STK17B: variants seen among roughly 807,000 people sequenced by gnomAD.
STK17B encodes the protein serine/threonine kinase 17b.
In STK17B, 21 loss-of-function variants were observed where a neutral mutation model predicts 42.0. That is an observed-to-expected ratio of 0.50 (90% CI 0.35 to 0.72). The LOEUF (loss-of-function observed/expected upper bound fraction) is 0.72, where lower values mean the gene tolerates loss of function less well. Among genes scored for constraint, STK17B ranks in the 30% least tolerant of loss-of-function variants. The pLI is 0.00. For missense variants in STK17B, 349 were observed against 446.0 expected (o/e 0.78, Z 1.96); for synonymous variants, 143 against 148.4 (o/e 0.96, Z 0.26).
intron 1 of STK17B, among the ~76,000 whole-genome samples, chr2:196,164,773 G>A (rs1390766818): frequency 6.6e-6 from 1 of 152,116 alleles, no homozygotes. Context: ...ACGCGTCACT[G>A]CAGTTCAGCC....
At chr2:196,173,825 C>T (rs754020377), upstream of STK17B, among the ~76,000 whole-genome samples, 17 of 152,088 alleles carry the variant, frequency 1.1e-4, no homozygotes, top group Non-Finnish European at 1.2e-4. Context: ...TGTTCTTTTC[C>T]AGTTCATACG....
rs750704745 is a variant in STK17B, at chr2:196,143,543, T to C, written c.607+17A>G. 8.2e-6 allele frequency: 13 copies of C among 1,584,748 alleles called. No homozygotes were observed. The highest frequency in any genetic ancestry group is 1.9e-5 in the Admixed American group (1 of 52,796). ...ATAAATTTCAAAATGGTATAGAAAA[T>C]AAAAGGAAATTCTTACCTAAATATT... On this transcript the variant is annotated intron_variant, in intron 5 of 7. Coordinates refer to ENST00000263955, the MANE Select transcript of STK17B (RefSeq NM_004226.4).
chr2:196,146,694 T>C (rs1699581867), intron 3 of STK17B, among the ~76,000 whole-genome samples: 2 of 152,126 alleles, frequency 1.3e-5, no homozygotes, highest in Admixed American at 6.6e-5. Flanking sequence ...TATGTATTCA[T>C]ATATATACAT....
At chr2:196,147,356 G>A (rs1699591065) in intron 3 of STK17B, among the ~76,000 whole-genome samples, 1 of 152,124 alleles carries the variant, frequency 6.6e-6, no homozygotes, top group African/African-American at 2.4e-5. Flanking sequence ...ATGAATGAAT[G>A]ATGGAATGGG....
At chr2:196,138,219 C>G (rs955537752) in intron 7 of STK17B, among the ~76,000 whole-genome samples, 2 of 152,172 alleles carry the variant, frequency 1.3e-5, no homozygotes, top group Non-Finnish European at 2.9e-5. Flanking sequence ...TATACATACA[C>G]AAACATATAC....
intron 3 of STK17B, among the ~76,000 whole-genome samples, chr2:196,151,897 TTAAAA>T (rs2105695320): frequency 6.6e-6 from 1 of 152,308 alleles, no homozygotes; most frequent in South Asian, 2.1e-4. Flanking sequence ...GAACTATGTA[TTAAAA>T]TAAGAAGGGA....
In STK17B at chr2:196,141,285, A is replaced by G. The variant is rs1204682887; in HGVS notation, c.620T>C (p.Leu207Pro). The G allele has an allele frequency of 6.2e-7, 1 of 1,606,690 alleles. No homozygotes were observed. ...TGCTGTGGTAATGGGATCATAGTTC[A>G]GGATTTCTGGAGCTGAAAGAAAAGA... ...GTPEYLAPEI[L>P]NYDPITTATD... Residue 207 changes from leucine (L) to proline (P), a missense_variant, in exon 6 of 8, where the codon CTG becomes CCG. Physicochemically the swap from Leu to Pro is moderately conservative, Grantham distance 98. This residue lies in a region of STK17B where 256 missense variants were observed against 347.7 expected (regional missense o/e 0.74). Coordinates refer to ENST00000263955, the MANE Select transcript of STK17B (RefSeq NM_004226.4).
upstream of STK17B, among the ~76,000 whole-genome samples, chr2:196,175,292 C>T (rs185595468): frequency 4.1e-4 from 63 of 152,248 alleles, 1 homozygote; most frequent in East Asian, 9.8e-3. Context: ...TTTACTGTTG[C>T]AAAAAGCAGA....
chr2:196,144,486 CAAAAAAAAAAAAAAAAAAAAAAA>C (rs869118381), intron 4 of STK17B, among the ~76,000 whole-genome samples: 4 of 55,958 alleles, frequency 7.1e-5, no homozygotes, highest in East Asian at 5.6e-4. Flanking sequence ...GACTCTGTCT[CAAAAAAAAAAAAAAAAAAAAAAA>C]AAAAAAAAAA....
At chr2:196,150,409 G>A (rs1269451271) in intron 3 of STK17B, among the ~76,000 whole-genome samples, 5 of 152,114 alleles carry the variant, frequency 3.3e-5, no homozygotes, top group African/African-American at 7.2e-5. Context: ...GTGAGAATAC[G>A]TGATAAGAGT....
At position 196,153,600 on chromosome 2, in the gene STK17B, TAAAA is replaced by T. The variant is rs1191945965; in HGVS notation, c.335+2835_335+2838del. 2.6e-5 allele frequency: 4 copies of T among 152,144 alleles called. No individual in the cohort carries two copies. In the East Asian group the frequency reaches 7.7e-4, roughly 29 times the overall value. The allele number at this position is 152,144 out of a possible 1,614,324, so 9.4% of individuals were successfully genotyped here. A position where few individuals can be genotyped will look rare whatever the true frequency, so the allele number is the denominator to read the frequency against. ...TGGTTTCTAAATGCTATTCCCCACTTAAAAGAACCAGAACTTCTCAGAGAGATGG... is the reference window on the plus strand; with the variant it reads ...TGGTTTCTAAATGCTATTCCCCACTTGAACCAGAACTTCTCAGAGAGATGG... On this transcript the variant is annotated intron_variant, in intron 3 of 7. Transcript: ENST00000263955.
chr2:196,173,839 A>C (rs1001345387), upstream of STK17B, among the ~76,000 whole-genome samples: 2 of 152,144 alleles, frequency 1.3e-5, no homozygotes, highest in South Asian at 4.1e-4. Context: ...TCATACGTTG[A>C]AATTCTAACC....
At chr2:196,174,399 G>C (rs145202245), upstream of STK17B, 1 of 152,356 alleles carries the variant, frequency 6.6e-6, no homozygotes, top group East Asian at 1.9e-4. Context: ...CCGATTCCAT[G>C]TTTACTCCCT....
intron 2 of STK17B, among the ~76,000 whole-genome samples, chr2:196,158,166 A>T (rs913502064): frequency 2.6e-5 from 4 of 152,218 alleles, no homozygotes; most frequent in African/African-American, 7.2e-5. Flanking sequence ...AACACAGTCT[A>T]TCAGACTCTT....
intron 2 of STK17B, among the ~76,000 whole-genome samples, chr2:196,160,533 T>A (rs779102315): frequency 2.0e-5 from 3 of 152,198 alleles, no homozygotes; most frequent in Admixed American, 6.5e-5. Context: ...ACTTTCAAAA[T>A]GTGCAAACCT....
At chr2:196,153,944 G>C (rs201343406) in intron 3 of STK17B, 1 of 152,078 alleles carries the variant, frequency 6.6e-6, no homozygotes, top group East Asian at 1.9e-4. Flanking sequence ...GAAAAGTTAA[G>C]AAGATAATAT....
In STK17B at chr2:196,171,441, G is replaced by C. The variant is rs999879831; in HGVS notation, c.-153C>G. On this transcript the variant is annotated 5_prime_UTR_variant, in exon 1 of 8. Transcript: ENST00000263955. Reference sequence around the variant, plus strand: ...GAGTTCTCTAGCTCCAGCCGGGCGAGGCGCCAGGGAGCTCCGAACGTGGCA... The same window carrying C: ...GAGTTCTCTAGCTCCAGCCGGGCGACGCGCCAGGGAGCTCCGAACGTGGCA... 6.6e-6 allele frequency: 1 copy of C among 152,312 alleles called. No homozygotes were observed. The highest frequency in any genetic ancestry group is 1.5e-5 in the Non-Finnish European group (1 of 68,106). The allele number at this position is 152,312 out of a possible 1,614,324, so 9.4% of individuals were successfully genotyped here.
chr2:196,141,604 A>C (rs1406248761), intron 5 of STK17B, among the ~76,000 whole-genome samples: 2 of 152,236 alleles, frequency 1.3e-5, no homozygotes, highest in Non-Finnish European at 2.9e-5. Flanking sequence ...GGTTGCAGTG[A>C]GCTGAGATCC....
intron 1 of STK17B, 36 bp from the exon 2 acceptor site, chr2:196,163,463 A>G (rs1339920859): frequency 6.8e-7 from 1 of 1,476,314 alleles, no homozygotes; most frequent in African/African-American, 1.4e-5. Context: ...AAAAGATGTT[A>G]TCTCAGGCAG....
Sources: allele counts gnomAD v4.1 joint callset (sites outside exome capture counted in the v4.1 genomes callset), GRCh38; gene constraint gnomAD v4.1.1; regional missense constraint gnomAD v4.1.1; transcripts MANE v1.5; gene names NCBI Gene and HGNC (gene_info 2026-07-23, HGNC 2026-07-21).